The following ATP6V0A4 variants were observed in gnomAD, a reference collection of about 807,000 sequenced individuals.
ATP6V0A4 encodes the protein V-type proton ATPase 116 kDa subunit a 4.
ATP6V0A4 carries 86 observed loss-of-function variants against 107.3 expected under a neutral mutation model. The ratio of observed to expected loss-of-function variants is 0.80; its 90% CI spans 0.67 to 0.96. ATP6V0A4 has a LOEUF of 0.96. Among genes scored for constraint, ATP6V0A4 ranks in the 40% least tolerant of loss-of-function variants. The probability of loss-of-function intolerance (pLI) is 0.00; values close to 1 mark genes in which losing one functional copy is unlikely to be tolerated. For missense variants in ATP6V0A4, 908 were observed against 1,045.6 expected, an observed-to-expected ratio of 0.87 and a Z score of 1.81; for synonymous variants, 353 against 381.4, an observed-to-expected ratio of 0.93 and a Z score of 0.87.
In ATP6V0A4 at chr7:138,756,537, C is replaced by T; in HGVS notation, c.643G>A (p.Glu215Lys). Reference protein sequence around the residue: ...DAPLEDPVTKEEIQKNIFIIF... With the variant: ...DAPLEDPVTKKEIQKNIFIIF... ...ATGAATATGTTCTTCTGAATTTCTT[C>T]TTTCTGGAAAATCAGAATAAGTTAA... Residue 215 changes from glutamate (E) to lysine (K), a missense_variant, in exon 9 of 22, where the codon GAA (glutamate) becomes AAA (lysine). Transcript: ENST00000310018. 1.9e-6 allele frequency: 3 copies of T among 1,591,000 alleles called. No homozygotes were observed. Among genetic ancestry groups the T allele is most frequent in the Non-Finnish European group, 2.6e-6 (3 of 1,165,712 alleles).
chr7:138,786,265 G>A lies in ATP6V0A4; in HGVS notation c.-120-5C>T, dbSNP rs1808173023. 1 of 152,174 alleles carries A rather than the reference G, an allele frequency of 6.6e-6. No homozygotes were observed. Among genetic ancestry groups the A allele is most frequent in the Non-Finnish European group, 1.5e-5 (1 of 68,058 alleles). 9.4% of individuals were successfully genotyped at this position (152,174 alleles called of 1,614,324 possible). A position where few individuals can be genotyped will look rare whatever the true frequency, so the allele number is the denominator to read the frequency against. On this transcript the variant is annotated splice_region_variant and splice_polypyrimidine_tract_variant and intron_variant, in intron 1 of 21. Transcript: ENST00000310018. ...ATGGAGGAACTGGAAATGAGACTTA[G>A]GAAAATGAAGTTTTATCATAAAGAG...
At chr7:138,714,002 C>A (rs1246990441) in intron 20 of ATP6V0A4, among the ~76,000 whole-genome samples, 1 of 150,346 alleles carries the variant, frequency 6.7e-6, no homozygotes, top group Non-Finnish European at 1.5e-5. Flanking sequence ...ACTTGGGAGG[C>A]CAAGACAGGA....
intron 15 of ATP6V0A4, among the ~76,000 whole-genome samples, chr7:138,737,435 T>C (rs10250805): frequency 0.57 from 85,507 of 151,050 alleles, 24,798 homozygotes; most frequent in East Asian, 0.92. Flanking sequence ...TCTTTTTCTT[T>C]ATAAATTACC....
At chr7:138,706,834 G>T in intron 21 of ATP6V0A4, 117 bp from the exon 22 acceptor site, 1 of 1,517,412 alleles carries the variant, frequency 6.6e-7, no homozygotes. Flanking sequence ...CACAAAGTCA[G>T]AAGGGTTGGC....
chr7:138,722,066 C>A, intron 18 of ATP6V0A4, 41 bp from the exon 19 acceptor site: 1 of 1,613,152 alleles, frequency 6.2e-7, no homozygotes, highest in Non-Finnish European at 8.5e-7. Flanking sequence ...CTCAACTCAC[C>A]CTGAGAATTC....
chr7:138,755,630 C>T, intron 10 of ATP6V0A4, 59 bp downstream of exon 10: 2 of 1,607,086 alleles, frequency 1.2e-6, no homozygotes, highest in Non-Finnish European at 1.7e-6. Context: ...TGTATGAAAA[C>T]AGCAGAGGCA....
At chr7:138,778,974 G>A (rs895384234) in intron 2 of ATP6V0A4, among the ~76,000 whole-genome samples, 10 of 152,098 alleles carry the variant, frequency 6.6e-5, no homozygotes, top group South Asian at 2.1e-4. Context: ...CAGAGATCTC[G>A]TGAATAGAAG....
At chr7:138,756,861 A>T (rs1806539125) in intron 8 of ATP6V0A4, among the ~76,000 whole-genome samples, 1 of 152,200 alleles carries the variant, frequency 6.6e-6, no homozygotes, top group Non-Finnish European at 1.5e-5. Flanking sequence ...TTCAGAAGAG[A>T]ATATTGCAAG....
Position 138,787,155 on chromosome 7 carries a change from CT to C in ATP6V0A4, c.-120-896del, listed in dbSNP as rs112720963. Reference sequence around the variant, plus strand: ...AACCCAGGGCTCTGCACTTCAGGGTCTTTTCATGCCATCACGGTAGCTTTCC... The same window carrying C: ...AACCCAGGGCTCTGCACTTCAGGGTCTTTCATGCCATCACGGTAGCTTTCC... On this transcript the variant is annotated intron_variant, in intron 1 of 21. Coordinates refer to ENST00000310018, the MANE Select transcript of ATP6V0A4 (RefSeq NM_020632.3). Among the ~76,000 whole-genome samples the C allele has an allele frequency of 5.9e-3, 892 of 152,296 alleles. 9 individuals are homozygous for C. The highest frequency in any genetic ancestry group is 0.021 in the African/African-American group (868 of 41,576).
At chr7:138,756,235 A>G (rs188614104) in intron 9 of ATP6V0A4, among the ~76,000 whole-genome samples, 1 of 152,350 alleles carries the variant, frequency 6.6e-6, no homozygotes, top group African/African-American at 2.4e-5. Context: ...GAAATGGGGA[A>G]CATGTCCACT....
intron 9 of ATP6V0A4, 157 bp from the exon 10 acceptor site, chr7:138,755,939 A>G (rs1806491532): frequency 1.5e-6 from 2 of 1,359,676 alleles, no homozygotes; most frequent in South Asian, 1.3e-5. Context: ...AGTCCCAGTC[A>G]TAAGGGTTCC....
chr7:138,710,192 ATT>A (rs56391137), intron 20 of ATP6V0A4, among the ~76,000 whole-genome samples: 1 of 135,256 alleles, frequency 7.4e-6, no homozygotes, highest in Non-Finnish European at 1.6e-5. Flanking sequence ...CTGTCTGTTA[ATT>A]TTTTTTTTTT....
chr7:138,787,196 G>A (rs6964987), intron 1 of ATP6V0A4, among the ~76,000 whole-genome samples: 18,049 of 152,166 alleles, frequency 0.12, 1,587 homozygotes, highest in African/African-American at 0.25. Flanking sequence ...GTTTCTCACA[G>A]GACTTAACAC....
intron 7 of ATP6V0A4, among the ~76,000 whole-genome samples, chr7:138,761,028 A>T (rs1806782253): frequency 6.6e-6 from 1 of 151,578 alleles, no homozygotes; most frequent in Non-Finnish European, 1.5e-5. Flanking sequence ...GCTCAGGCTG[A>T]TCTCAAACTC....
intron 12 of ATP6V0A4, among the ~76,000 whole-genome samples, chr7:138,748,261 A>G (rs181830125): frequency 6.6e-6 from 1 of 151,994 alleles, no homozygotes; most frequent in East Asian, 1.9e-4. Flanking sequence ...TGCACCACAC[A>G]CCACCAGCAG....
chr7:138,716,274 T>C (rs1404342363), intron 19 of ATP6V0A4, among the ~76,000 whole-genome samples: 1 of 152,092 alleles, frequency 6.6e-6, no homozygotes, highest in East Asian at 1.9e-4. Context: ...AGAAAACAAT[T>C]TGGCTGGAAC....
At chr7:138,729,038 A>G in intron 17 of ATP6V0A4, 176 bp from the exon 18 acceptor site, 1 of 815,806 alleles carries the variant, frequency 1.2e-6, no homozygotes, top group Non-Finnish European at 1.5e-6. Context: ...AGATAGAGAA[A>G]TATCTGTCCA....
At chr7:138,760,639 C>T (rs12537760) in intron 7 of ATP6V0A4, among the ~76,000 whole-genome samples, 19,028 of 152,086 alleles carry the variant, frequency 0.13, 1,490 homozygotes, top group South Asian at 0.19. Context: ...ACCCAAACTT[C>T]TCATGTTAGC....
chr7:138,795,809 T>G (rs1465869688), intron 1 of ATP6V0A4, among the ~76,000 whole-genome samples: 1 of 124,594 alleles, frequency 8.0e-6, no homozygotes, highest in Non-Finnish European at 1.8e-5. Flanking sequence ...CCCAAGTAAT[T>G]TTTTTGTGTT....
Sources: gnomAD v4.1 joint callset for allele counts (sites outside exome capture counted in the v4.1 genomes callset) on GRCh38, gnomAD v4.1.1 for gene constraint, MANE v1.5 for transcripts, NCBI Gene and HGNC (gene_info 2026-07-23, HGNC 2026-07-21) for gene names.